IL9: variants seen among roughly 807,000 people sequenced by gnomAD.
IL9 encodes interleukin 9.
Under a neutral mutation model 12.9 loss-of-function variants are expected in IL9, and 16 were observed. The observed-to-expected ratio is 1.24, with a 90% CI of 0.84 to 1.88. IL9 has a LOEUF of 1.88. Ranked by LOEUF, IL9 falls within the 40% of genes most tolerant of loss-of-function variation. IL9 has a pLI of 0.00. For synonymous variants in IL9, 69 were observed against 63.8 expected (o/e 1.08, Z -0.39); for missense variants, 170 against 173.1 (o/e 0.98, Z 0.10).
intron 4 of IL9, 78 bp from the exon 5 acceptor site, chr5:135,892,588 A>G: frequency 3.4e-6 from 5 of 1,490,732 alleles, no homozygotes; most frequent in Non-Finnish European, 4.5e-6. Flanking sequence ...CTACCTGCCA[A>G]GAGCCAGAGT....
intron 3 of IL9, among the ~76,000 whole-genome samples, chr5:135,894,990 AT>A (rs1356355515): frequency 2.6e-5 from 4 of 152,304 alleles, no homozygotes; most frequent in African/African-American, 9.6e-5. Context: ...TAGCGCATAG[AT>A]CATTCATGAC....
chr5:135,895,528 G>T, intron 2 of IL9, 27 bp downstream of exon 2: 5 of 1,613,496 alleles, frequency 3.1e-6, no homozygotes, highest in Non-Finnish European at 4.2e-6. Flanking sequence ...AATTAATTTG[G>T]AAAGTTCTTA....
chr5:135,895,159 G>T (rs1234844370), intron 3 of IL9, among the ~76,000 whole-genome samples: 1 of 152,034 alleles, frequency 6.6e-6, no homozygotes, highest in African/African-American at 2.4e-5. Context: ...TATCTAAAAA[G>T]ATATTCAGGA....
intron 1 of IL9, 26 bp from the exon 2 acceptor site, chr5:135,895,616 C>T (rs1423833812): frequency 6.2e-7 from 1 of 1,613,706 alleles, no homozygotes; most frequent in African/African-American, 1.3e-5. Flanking sequence ...AGATAAGAAC[C>T]TTTAGTCAGC....
At chr5:135,893,538 G>A (rs1237244271) in intron 4 of IL9, among the ~76,000 whole-genome samples, 1 of 152,100 alleles carries the variant, frequency 6.6e-6, no homozygotes, top group East Asian at 1.9e-4. Flanking sequence ...CTTGAACCCG[G>A]GAGGCAGAGG....
Position 135,894,190 on chromosome 5 carries a change from AG to A in IL9, c.184-40del, listed in dbSNP as rs766020161. The A allele has an allele frequency of 1.4e-4, 224 of 1,591,654 alleles. No individual in the cohort carries two copies. In the East Asian group the frequency reaches 4.6e-3, roughly 33 times the overall value. Reference sequence around the variant, plus strand: ...AGGATTTATTCAAAGAAATATTCTGAGGACAGCTTTGGAAATATATCACAAA... The same window carrying A: ...AGGATTTATTCAAAGAAATATTCTGAGACAGCTTTGGAAATATATCACAAA... On this transcript the variant is annotated intron_variant, in intron 3 of 4. Coordinates refer to ENST00000274520, the MANE Select transcript of IL9 (RefSeq NM_000590.2).
At position 135,895,740 on chromosome 5, in the gene IL9, C is replaced by A. The variant is rs747339286; in HGVS notation, c.77G>T (p.Gly26Val). Residue 26 changes from glycine to valine, a missense_variant, in exon 1 of 5, where the codon GGG becomes GTG. Physicochemically the swap from Gly to Val is moderately radical, Grantham distance 109 (BLOSUM62 -3). Coordinates refer to ENST00000274520, the MANE Select transcript of IL9 (RefSeq NM_000590.2). Reference sequence around the variant, plus strand: ...GATGAGGAAGTTGATGTCCAGGATCCCCGCCAAGGTTGGACACCCCTGGCC... The same window carrying A: ...GATGAGGAAGTTGATGTCCAGGATCACCGCCAAGGTTGGACACCCCTGGCC... ...VAGQGCPTLA[G>V]ILDINFLINK... 1 of 1,613,950 alleles carries A rather than the reference C, an allele frequency of 6.2e-7. No homozygotes were observed. The highest frequency in any genetic ancestry group is 8.5e-7 in the Non-Finnish European group (1 of 1,179,980).
chr5:135,894,385 A>G (rs928193134), intron 3 of IL9, among the ~76,000 whole-genome samples: 21 of 152,320 alleles, frequency 1.4e-4, no homozygotes, highest in African/African-American at 4.8e-4. Context: ...ACATCCAGGA[A>G]ACATGAGGGC....
rs1416847435 is a variant in IL9, at chr5:135,895,544, C to CA, written c.150+10dup. On this transcript the variant is annotated intron_variant, in intron 2 of 4. Transcript: ENST00000274520. ...ATTAATTTGGAAAGTTCTTAAAGAG[C>CA]ATTCACTCACATTAGCACTGCAGTG... The CA allele has an allele frequency of 6.2e-7, 1 of 1,613,728 alleles. No homozygotes were observed. The highest frequency in any genetic ancestry group is 1.7e-5 in the Admixed American group (1 of 60,006).
intron 3 of IL9, 122 bp downstream of exon 3, chr5:135,895,318 T>C: frequency 1.3e-6 from 1 of 774,406 alleles, no homozygotes. Flanking sequence ...GGAATACTAA[T>C]CTGTAACAAT....
Position 135,892,272 on chromosome 5 carries a change from T to C in IL9, c.*119A>G. 3 of 734,274 alleles carry C rather than the reference T, an allele frequency of 4.1e-6. No homozygotes were observed. The highest frequency in any genetic ancestry group is 4.3e-5 in the South Asian group (2 of 46,886). 45.5% of individuals were successfully genotyped at this position (734,274 alleles called of 1,614,324 possible). ...TTTATTTCAAAATAAAGACATACAA[T>C]GTTAAACAAATAATCACAACTGATA... is the stretch of plus-strand genomic sequence containing the variant. On this transcript the variant is annotated 3_prime_UTR_variant, in exon 5 of 5. Transcript: ENST00000274520.
intron 4 of IL9, among the ~76,000 whole-genome samples, chr5:135,893,047 G>A (rs1407174826): frequency 6.6e-6 from 1 of 152,148 alleles, no homozygotes. Context: ...TTTATTCAGT[G>A]AGACAGCATA....
In IL9 at chr5:135,895,445, G is replaced by GA. The variant is rs1237593628; in HGVS notation, c.177dup (p.Pro60SerfsTer3). 2 of 1,613,252 alleles carry GA rather than the reference G, an allele frequency of 1.2e-6. No homozygotes were observed. Among genetic ancestry groups the GA allele is most frequent in the Non-Finnish European group, 1.7e-6 (2 of 1,179,564 alleles). ...TGTTATTTCACTATACTTACAGAGG[G>GA]AATGCCCAAACAGAGACAACTGGTC... On this transcript the variant is annotated frameshift_variant, in exon 3 of 5. Transcript: ENST00000274520. LOFTEE classifies it high-confidence loss of function.
At chr5:135,894,345 A>G (rs1263271154) in intron 3 of IL9, among the ~76,000 whole-genome samples, 194 bp from the exon 4 acceptor site, 1 of 152,218 alleles carries the variant, frequency 6.6e-6, no homozygotes. Context: ...TTCCACAGTG[A>G]CATCCCCTGG....
Position 135,892,359 on chromosome 5 carries a change from A to G in IL9, c.*32T>C, listed in dbSNP as rs769440030. On this transcript the variant is annotated 3_prime_UTR_variant, in exon 5 of 5. Transcript: ENST00000274520. ...GCAACTTAAAGAGAAAGCTTTTTAAATTTAATAAATAGGATAAATAATATT... is the reference window on the plus strand; with the variant it reads ...GCAACTTAAAGAGAAAGCTTTTTAAGTTTAATAAATAGGATAAATAATATT... 4 of 1,503,154 alleles carry G rather than the reference A, an allele frequency of 2.7e-6. No homozygotes were observed. Among genetic ancestry groups the G allele is most frequent in the South Asian group, 2.5e-5 (2 of 78,802 alleles). 93.1% of individuals were successfully genotyped at this position (1,503,154 alleles called of 1,614,324 possible).
rs951910467 is a variant in IL9, at chr5:135,894,122, C to T, written c.213G>A (p.Glu71=). Residue 71 remains glutamate, a synonymous_variant, in exon 4 of 5, where the codon GAG becomes GAA. Coordinates refer to ENST00000274520, the MANE Select transcript of IL9 (RefSeq NM_000590.2). ...TGGTATTGGTCATCTGAGACAGTCT[C>T]TCACTGAAGCATGGTCTGGTGCAGT... ...SDNCTRPCFS[E]RLSQMTNTTM... is the part of the protein sequence containing the mutation. The T allele has an allele frequency of 6.2e-7, 1 of 1,613,250 alleles. No homozygotes were observed. Among genetic ancestry groups the T allele is most frequent in the African/African-American group, 1.3e-5 (1 of 74,892 alleles).
chr5:135,893,201 C>A (rs536722918), intron 4 of IL9, among the ~76,000 whole-genome samples: 3 of 152,308 alleles, frequency 2.0e-5, no homozygotes, highest in East Asian at 1.9e-4. Context: ...ACCCAACTTG[C>A]CATCCCAGTC....
chr5:135,893,198 T>C (rs1561570815), intron 4 of IL9, among the ~76,000 whole-genome samples: 1 of 152,210 alleles, frequency 6.6e-6, no homozygotes, highest in Non-Finnish European at 1.5e-5. Flanking sequence ...TCTACCCAAC[T>C]TGCCATCCCA....
Position 135,893,651 on chromosome 5 carries a change from A to T in IL9, c.315+369T>A, listed in dbSNP as rs1482217580. 3.3e-5 allele frequency among the ~76,000 whole-genome samples: 5 copies of T among 152,096 alleles called. No homozygotes were observed. In the South Asian group the frequency reaches 6.2e-4, roughly 19 times the overall value. On this transcript the variant is annotated intron_variant, in intron 4 of 4. Coordinates refer to ENST00000274520, the MANE Select transcript of IL9 (RefSeq NM_000590.2). ...ACCTCCTTAACCAACAGGAAAAAAA[A>T]ATCCCTGTTAACAACATCCATTCAG...
Sources: allele counts gnomAD v4.1 joint callset (sites outside exome capture counted in the v4.1 genomes callset), GRCh38; gene constraint gnomAD v4.1.1; transcripts MANE v1.5; gene names NCBI Gene and HGNC (gene_info 2026-07-23, HGNC 2026-07-21).